Variants in SKA2 observed in about 807,000 individuals in gnomAD.
The protein encoded by SKA2 is spindle and kinetochore-associated protein 2.
SKA2 carries 13 observed loss-of-function variants against 16.9 expected under a neutral mutation model. The ratio of observed to expected loss-of-function variants is 0.77; its 90% CI spans 0.50 to 1.22. The LOEUF (loss-of-function observed/expected upper bound fraction) is 1.22. Among genes scored for constraint, SKA2 ranks in the 50% most tolerant of loss-of-function variants. The pLI is 0.00. For synonymous variants in SKA2, 47 were observed against 48.5 expected (o/e 0.97, Z 0.13); for missense variants, 107 against 139.7 (o/e 0.77, Z 1.18).
intron 3 of SKA2, 63 bp from the exon 4 acceptor site, chr17:59,112,408 A>G: frequency 8.2e-7 from 1 of 1,213,146 alleles, no homozygotes; most frequent in South Asian, 1.3e-5. Flanking sequence ...CAGTTTAGTT[A>G]ACTTCTGCAT....
At position 59,145,466 on chromosome 17, in the gene SKA2, C is replaced by T. The variant is rs183367155; in HGVS notation, c.33+9665G>A. 1.4e-3 allele frequency among the ~76,000 whole-genome samples: 219 copies of T among 152,210 alleles called. 1 individual carries two copies. Among genetic ancestry groups the T allele is most frequent in the Admixed American group, 0.01 (158 of 15,250 alleles). ...CTCCTTCAGTTGGCTAATCCCTACT[C>T]ATCTTTCAAGTCTCAGATTATATCT... On this transcript the variant is annotated intron_variant, in intron 1 of 3. Transcript: ENST00000330137.
intron 1 of SKA2, among the ~76,000 whole-genome samples, chr17:59,143,173 G>C (rs2046505608): frequency 6.6e-6 from 1 of 151,842 alleles, no homozygotes; most frequent in South Asian, 2.1e-4. Context: ...TTTTAATCAG[G>C]AGCTGTTGAA....
At chr17:59,153,456 A>C (rs1395050665) in intron 1 of SKA2, among the ~76,000 whole-genome samples, 1 of 152,208 alleles carries the variant, frequency 6.6e-6, no homozygotes, top group African/African-American at 2.4e-5. Flanking sequence ...CTGCACAAAG[A>C]AAATTTAAAC....
intron 2 of SKA2, among the ~76,000 whole-genome samples, chr17:59,125,833 T>C (rs951346505): frequency 1.3e-5 from 2 of 152,148 alleles, no homozygotes; most frequent in African/African-American, 4.8e-5. Flanking sequence ...TGAATTATAC[T>C]ACTAAGCTTA....
intron 2 of SKA2, among the ~76,000 whole-genome samples, chr17:59,122,932 T>C (rs936894528): frequency 6.6e-6 from 1 of 150,752 alleles, no homozygotes; most frequent in South Asian, 2.1e-4. Flanking sequence ...CTTTAAATTA[T>C]TTTTTGTAGA....
chr17:59,155,027 G>A, intron 1 of SKA2, 104 bp downstream of exon 1: 1 of 1,613,984 alleles, frequency 6.2e-7, no homozygotes, highest in Non-Finnish European at 8.5e-7. Context: ...CTCTGGTCCA[G>A]CCTCCGCCGC....
chr17:59,135,094 C>G (rs931928555), intron 1 of SKA2, among the ~76,000 whole-genome samples: 1 of 152,036 alleles, frequency 6.6e-6, no homozygotes, highest in Non-Finnish European at 1.5e-5. Flanking sequence ...CTCGGCCTCC[C>G]AAAGCGCTGG....
intron 2 of SKA2, among the ~76,000 whole-genome samples, chr17:59,123,680 C>T (rs1049233119): frequency 6.6e-6 from 1 of 152,082 alleles, no homozygotes; most frequent in Non-Finnish European, 1.5e-5. Flanking sequence ...TCCCAAGTAG[C>T]TGGGACTACA....
intron 1 of SKA2, among the ~76,000 whole-genome samples, chr17:59,135,307 T>C (rs973233666): frequency 2.9e-5 from 4 of 138,854 alleles, no homozygotes; most frequent in Non-Finnish European, 6.1e-5. Flanking sequence ...TCAACTAAAC[T>C]GTCTTTTTTT....
intron 2 of SKA2, 102 bp from the exon 3 acceptor site, chr17:59,119,597 T>C (rs2046319557): frequency 7.8e-6 from 8 of 1,023,944 alleles, no homozygotes; most frequent in Middle Eastern, 3.0e-4. Flanking sequence ...ATCCATTTAA[T>C]TGAACACTGT....
chr17:59,148,241 A>G (rs1036911561), intron 1 of SKA2, among the ~76,000 whole-genome samples: 1 of 152,166 alleles, frequency 6.6e-6, no homozygotes, highest in Non-Finnish European at 1.5e-5. Context: ...CTAATAAATG[A>G]AAAGATATGT....
chr17:59,122,472 G>A (rs541553919), intron 2 of SKA2, among the ~76,000 whole-genome samples: 20 of 152,116 alleles, frequency 1.3e-4, no homozygotes, highest in Non-Finnish European at 2.6e-4. Flanking sequence ...TTAGCCGGGC[G>A]TGGTAGCACA....
At chr17:59,118,115 A>T (rs1276495861) in intron 3 of SKA2, 1 of 152,114 alleles carries the variant, frequency 6.6e-6, no homozygotes, top group East Asian at 1.9e-4. Flanking sequence ...AACCACAAAA[A>T]ATTAGCTGGG....
At chr17:59,132,334 C>T (rs371082839) in intron 1 of SKA2, among the ~76,000 whole-genome samples, 3 of 146,578 alleles carry the variant, frequency 2.0e-5, no homozygotes, top group Admixed American at 7.0e-5. Flanking sequence ...CCAGCCTGGG[C>T]GACAAGAATG....
intron 1 of SKA2, among the ~76,000 whole-genome samples, chr17:59,145,300 T>C (rs2046523586): frequency 6.6e-6 from 1 of 152,192 alleles, no homozygotes; most frequent in South Asian, 2.1e-4. Context: ...ATAGCTAGAA[T>C]ATTGATCTTA....
At chr17:59,130,678 A>T (rs758706372) in intron 2 of SKA2, among the ~76,000 whole-genome samples, 7 of 151,758 alleles carry the variant, frequency 4.6e-5, no homozygotes, top group Non-Finnish European at 7.4e-5. Flanking sequence ...GGCTTTGGGG[A>T]AAAAAAGATA....
intron 1 of SKA2, chr17:59,154,902 C>A: frequency 6.3e-7 from 1 of 1,591,848 alleles, no homozygotes. Flanking sequence ...AGGCCCCGCA[C>A]CCTCAGCATC....
At chr17:59,121,081 G>A (rs2046329741) in intron 2 of SKA2, among the ~76,000 whole-genome samples, 1 of 151,542 alleles carries the variant, frequency 6.6e-6, no homozygotes, top group Non-Finnish European at 1.5e-5. Context: ...GAACCCGGGA[G>A]GCAGAGGTTG....
chr17:59,112,389 G>C, intron 3 of SKA2, 44 bp from the exon 4 acceptor site: 1 of 1,468,098 alleles, frequency 6.8e-7, no homozygotes, highest in Non-Finnish European at 9.4e-7. Context: ...AACTTTCAAA[G>C]ACTTAAATCA....
Sources: allele counts gnomAD v4.1 joint callset (sites outside exome capture counted in the v4.1 genomes callset), GRCh38; gene constraint gnomAD v4.1.1; transcripts MANE v1.5; gene names NCBI Gene and HGNC (gene_info 2026-07-23, HGNC 2026-07-21).